Variants in WWTR1 observed in about 807,000 individuals in gnomAD.
The protein encoded by WWTR1 is WW domain containing transcription regulator 1.
WWTR1 carries 13 observed loss-of-function variants against 40.1 expected under a neutral mutation model. The ratio of observed to expected loss-of-function variants is 0.32; its 90% CI spans 0.21 to 0.52. WWTR1 has a LOEUF of 0.52. Ranked by LOEUF, WWTR1 falls within the 20% of genes least tolerant of loss-of-function variation. The probability of loss-of-function intolerance (pLI) is 0.97; values close to 1 mark genes in which losing one functional copy is unlikely to be tolerated. For missense variants in WWTR1, 436 were observed against 523.1 expected (o/e 0.83, Z 1.63); for synonymous variants, 230 against 210.1 (o/e 1.09, Z -0.82).
intron 1 of WWTR1, among the ~76,000 whole-genome samples, chr3:149,693,743 A>T (rs960300371): frequency 3.3e-5 from 5 of 152,208 alleles, no homozygotes; most frequent in Admixed American, 6.5e-5. Flanking sequence ...TACACTGGGG[A>T]AAGGACAGTC....
intron 5 of WWTR1, among the ~76,000 whole-genome samples, chr3:149,710,570 TC>T (rs1167222153): frequency 0.038 from 691 of 18,184 alleles, 6 homozygotes; most frequent in East Asian, 0.081. Flanking sequence ...TATCCCCGCC[TC>T]CCCCCCCCCC....
At chr3:149,718,508 T>G (rs1269309703) in intron 4 of WWTR1, among the ~76,000 whole-genome samples, 1 of 152,214 alleles carries the variant, frequency 6.6e-6, no homozygotes, top group Non-Finnish European at 1.5e-5. Flanking sequence ...TCTTAATCAT[T>G]TTTAAGTGCA....
intron 6 of WWTR1, among the ~76,000 whole-genome samples, chr3:149,525,386 C>T (rs1015858422): frequency 5.9e-5 from 9 of 151,764 alleles, no homozygotes; most frequent in African/African-American, 1.9e-4. Flanking sequence ...GGAAACATGG[C>T]AAACAAACAG....
intron 2 of WWTR1, among the ~76,000 whole-genome samples, chr3:149,575,579 T>G (rs1439043079): frequency 6.6e-6 from 1 of 152,180 alleles, no homozygotes; most frequent in East Asian, 1.9e-4. Flanking sequence ...TGTGGAAATA[T>G]ACATCATTTG....
At chr3:149,563,039 ACT>A (rs1737156344) in intron 3 of WWTR1, among the ~76,000 whole-genome samples, 2 of 152,118 alleles carry the variant, frequency 1.3e-5, no homozygotes, top group Non-Finnish European at 2.9e-5. Context: ...TTCACCCTTA[ACT>A]GGGTGAAATT....
intron 4 of WWTR1, among the ~76,000 whole-genome samples, chr3:149,531,954 A>C (rs907581597): frequency 5.9e-5 from 9 of 152,018 alleles, no homozygotes; most frequent in Non-Finnish European, 1.3e-4. Flanking sequence ...ATACAACCCA[A>C]CTAGCCAGGT....
intron 2 of WWTR1, among the ~76,000 whole-genome samples, chr3:149,573,584 A>C (rs941991506): frequency 3.3e-5 from 5 of 152,234 alleles, no homozygotes; most frequent in African/African-American, 1.2e-4. Context: ...CACTGTCACC[A>C]AGCAAGGTGA....
At chr3:149,689,937 T>C (rs950279914) in intron 1 of WWTR1, among the ~76,000 whole-genome samples, 4 of 152,032 alleles carry the variant, frequency 2.6e-5, no homozygotes, top group Non-Finnish European at 5.9e-5. Flanking sequence ...TATAATAAGA[T>C]AGAAACAGAA....
At chr3:149,581,904 G>A (rs1337448414) in intron 2 of WWTR1, among the ~76,000 whole-genome samples, 1 of 152,150 alleles carries the variant, frequency 6.6e-6, no homozygotes, top group Non-Finnish European at 1.5e-5. Flanking sequence ...ACTCAGTCAG[G>A]CAGAAGCTGA....
chr3:149,713,805 A>G (rs1715531453), intron 5 of WWTR1, among the ~76,000 whole-genome samples: 1 of 152,228 alleles, frequency 6.6e-6, no homozygotes, highest in Admixed American at 6.5e-5. Context: ...TGACAGTGGC[A>G]GCGGTGTGAC....
chr3:149,565,452 C>T lies in WWTR1; in HGVS notation c.568+7412G>A, dbSNP rs551719713. Among the ~76,000 whole-genome samples, 4 of 152,132 alleles carry T rather than the reference C, an allele frequency of 2.6e-5. No individual in the cohort carries two copies. In the East Asian group the frequency reaches 5.8e-4, roughly 22 times the overall value. ...CCATCACCTAATCTTAATAAAGACT[C>T]ATCCACATTAAGATAAGTGGAACAT... On this transcript the variant is annotated intron_variant, in intron 3 of 6. Transcript: ENST00000360632.
intron 2 of WWTR1, among the ~76,000 whole-genome samples, chr3:149,622,478 G>GAAAGAA (rs1560089590): frequency 1.6e-4 from 18 of 115,608 alleles, no homozygotes; most frequent in African/African-American, 5.2e-4. Flanking sequence ...AGGAAGGAAG[G>GAAAGAA]AAGGAAGGAA....
intron 3 of WWTR1, among the ~76,000 whole-genome samples, chr3:149,568,046 T>G (rs1198076497): frequency 1.3e-5 from 2 of 152,182 alleles, no homozygotes; most frequent in African/African-American, 4.8e-5. Context: ...TTTTTAAAAT[T>G]TTAGTAAGTA....
chr3:149,715,736 A>G (rs1474269384), intron 5 of WWTR1, among the ~76,000 whole-genome samples: 1 of 152,220 alleles, frequency 6.6e-6, no homozygotes, highest in Admixed American at 6.5e-5. Flanking sequence ...CATATACCTC[A>G]CATAGAGTTG....
intron 2 of WWTR1, among the ~76,000 whole-genome samples, chr3:149,656,476 A>G (rs1713210137): frequency 6.6e-6 from 1 of 151,658 alleles, no homozygotes; most frequent in Non-Finnish European, 1.5e-5. Flanking sequence ...CCCAAGCTTC[A>G]CAGCTTTTCT....
At chr3:149,704,842 A>G (rs1268220708), upstream of WWTR1, among the ~76,000 whole-genome samples, 1 of 151,518 alleles carries the variant, frequency 6.6e-6, no homozygotes, top group Non-Finnish European at 1.5e-5. Flanking sequence ...CAGAACACAC[A>G]AAAGTTAAAA....
At chr3:149,580,911 G>A (rs536983120) in intron 2 of WWTR1, among the ~76,000 whole-genome samples, 7 of 152,198 alleles carry the variant, frequency 4.6e-5, no homozygotes, top group East Asian at 1.9e-4. Context: ...CGCGCCTGGC[G>A]ACAATATTAA....
intron 3 of WWTR1, 112 bp from the exon 4 acceptor site, chr3:149,542,649 A>G: frequency 8.7e-7 from 1 of 1,149,394 alleles, no homozygotes; most frequent in East Asian, 2.6e-5. Flanking sequence ...GATTCCTTCC[A>G]AAGTACTTTC....
intron 1 of WWTR1, among the ~76,000 whole-genome samples, chr3:149,676,921 T>G (rs1286781634): frequency 6.7e-6 from 1 of 148,160 alleles, no homozygotes; most frequent in Admixed American, 6.7e-5. Flanking sequence ...ACCTTGAGAC[T>G]CTTTTTTTTT....
Sources: gnomAD v4.1 joint callset for allele counts (sites outside exome capture counted in the v4.1 genomes callset) on GRCh38, gnomAD v4.1.1 for gene constraint, MANE v1.5 for transcripts, NCBI Gene and HGNC (gene_info 2026-07-23, HGNC 2026-07-21) for gene names.